TTLL5: variants seen among roughly 807,000 people sequenced by gnomAD.
The protein encoded by TTLL5 is tubulin polyglutamylase TTLL5.
TTLL5 carries 132 observed loss-of-function variants against 168.4 expected under a neutral mutation model. The observed-to-expected ratio is 0.78, with a 90% CI of 0.68 to 0.91. The LOEUF is 0.91. TTLL5 is among the 40% of genes least tolerant of loss of function. The pLI is 0.00. For synonymous variants in TTLL5, 546 were observed against 558.6 expected (o/e 0.98, Z 0.32); for missense variants, 1,545 against 1,581.5 (o/e 0.98, Z 0.39).
chr14:75,824,956 T>C (rs1895041041), intron 28 of TTLL5, among the ~76,000 whole-genome samples: 1 of 152,164 alleles, frequency 6.6e-6, no homozygotes, highest in Non-Finnish European at 1.5e-5. Context: ...TGGCATAGTA[T>C]GGTGGGAAGA....
At chr14:75,901,853 A>C (rs538964391) in intron 30 of TTLL5, among the ~76,000 whole-genome samples, 1 of 152,328 alleles carries the variant, frequency 6.6e-6, no homozygotes, top group Admixed American at 6.5e-5. Context: ...GTCAGGCACT[A>C]TTCTAGGCAC....
chr14:75,676,111 C>T (rs1594851334), intron 3 of TTLL5, among the ~76,000 whole-genome samples: 1 of 152,172 alleles, frequency 6.6e-6, no homozygotes, highest in Non-Finnish European at 1.5e-5. Flanking sequence ...TTGTTCTATT[C>T]TTGCCCTCAA....
At chr14:75,702,373 C>T (rs1886330889) in intron 7 of TTLL5, among the ~76,000 whole-genome samples, 1 of 152,192 alleles carries the variant, frequency 6.6e-6, no homozygotes, top group Non-Finnish European at 1.5e-5. Context: ...TTGTTTGAAT[C>T]TCATAGACGG....
intron 31 of TTLL5, among the ~76,000 whole-genome samples, chr14:75,912,085 T>G (rs1357728105): frequency 6.6e-6 from 1 of 152,222 alleles, no homozygotes; most frequent in Non-Finnish European, 1.5e-5. Flanking sequence ...GCCAGGTCAT[T>G]TGCTGGCTCC....
intron 31 of TTLL5, among the ~76,000 whole-genome samples, chr14:75,906,062 A>G (rs1198149490): frequency 6.6e-6 from 1 of 152,226 alleles, no homozygotes; most frequent in Non-Finnish European, 1.5e-5. Flanking sequence ...GGGCAACAGC[A>G]CATCAGTGTG....
At chr14:75,675,474 A>G (rs977217371) in intron 3 of TTLL5, among the ~76,000 whole-genome samples, 9 of 152,170 alleles carry the variant, frequency 5.9e-5, no homozygotes, top group African/African-American at 1.9e-4. Context: ...TAGCACTTCA[A>G]GTTGCCTCTA....
chr14:75,885,014 C>T (rs1219423536), intron 30 of TTLL5, among the ~76,000 whole-genome samples: 1 of 147,272 alleles, frequency 6.8e-6, no homozygotes, highest in Non-Finnish European at 1.5e-5. Flanking sequence ...ACTAAAAATA[C>T]AAAAAAAAAT....
At chr14:75,762,178 G>A (rs1322410575) in intron 18 of TTLL5, among the ~76,000 whole-genome samples, 10 of 151,944 alleles carry the variant, frequency 6.6e-5, no homozygotes, top group Admixed American at 2.0e-4. Flanking sequence ...GGTGGATCAC[G>A]AGGTCAGGAG....
intron 30 of TTLL5, among the ~76,000 whole-genome samples, chr14:75,893,507 A>G (rs1413014606): frequency 6.6e-6 from 1 of 152,232 alleles, no homozygotes; most frequent in African/African-American, 2.4e-5. Flanking sequence ...AATTTTATAC[A>G]TAGCTAAACT....
At chr14:75,939,197 CA>C (rs1328219784) in intron 31 of TTLL5, among the ~76,000 whole-genome samples, 1 of 152,196 alleles carries the variant, frequency 6.6e-6, no homozygotes, top group African/African-American at 2.4e-5. Flanking sequence ...CCCAGTGCAG[CA>C]GAATGAAATA....
At chr14:75,785,399 C>T (rs925377656) in intron 26 of TTLL5, among the ~76,000 whole-genome samples, 21 of 152,068 alleles carry the variant, frequency 1.4e-4, no homozygotes, top group African/African-American at 4.8e-4. Context: ...AGGATGGTCT[C>T]GATCTCTTGA....
At chr14:75,885,082 G>A (rs1487574240) in intron 30 of TTLL5, among the ~76,000 whole-genome samples, 1 of 152,058 alleles carries the variant, frequency 6.6e-6, no homozygotes, top group Non-Finnish European at 1.5e-5. Context: ...GGCTGAGGCG[G>A]GAGAATGGCG....
At chr14:75,845,898 G>T (rs78347631) in intron 28 of TTLL5, among the ~76,000 whole-genome samples, 3 of 151,990 alleles carry the variant, frequency 2.0e-5, no homozygotes, top group Middle Eastern at 3.2e-3. Context: ...TGGTGATAGC[G>T]TACAAAGGAC....
At chr14:75,862,286 C>T (rs1428417865) in intron 28 of TTLL5, among the ~76,000 whole-genome samples, 1 of 152,186 alleles carries the variant, frequency 6.6e-6, no homozygotes, top group Non-Finnish European at 1.5e-5. Flanking sequence ...TACAATGCTG[C>T]TATGAACATT....
intron 28 of TTLL5, among the ~76,000 whole-genome samples, chr14:75,857,053 T>G (rs1404103669): frequency 1.3e-5 from 2 of 152,252 alleles, no homozygotes; most frequent in Non-Finnish European, 2.9e-5. Context: ...TCTAGCAGTA[T>G]CTCTCTAAAG....
intron 7 of TTLL5, among the ~76,000 whole-genome samples, chr14:75,700,825 A>T (rs1392383072): frequency 6.6e-6 from 1 of 152,066 alleles, no homozygotes; most frequent in Non-Finnish European, 1.5e-5. Context: ...AGACCCACCC[A>T]TATGGATTTG....
Position 75,775,624 on chromosome 14 carries a change from C to T in TTLL5, c.2277C>T (p.Tyr759=), listed in dbSNP as rs1446249657. 6.2e-7 allele frequency: 1 copy of T among 1,614,002 alleles called. No homozygotes were observed. Among genetic ancestry groups the T allele is most frequent in the Admixed American group, 1.7e-5 (1 of 60,004 alleles). Residue 759 remains tyrosine, a synonymous_variant, in exon 22 of 32, where the codon TAC becomes TAT. Coordinates refer to ENST00000298832, the MANE Select transcript of TTLL5 (RefSeq NM_015072.5). ...AHQLGDFIIV[Y]NKETEQMAEK... is the part of the protein sequence containing the mutation. Reference sequence around the variant, plus strand: ...AGCTGGGTGACTTTATCATTGTATACAACAAGGTAAGTCTTTTTCTGTTAG... The same window carrying T: ...AGCTGGGTGACTTTATCATTGTATATAACAAGGTAAGTCTTTTTCTGTTAG...
At position 75,914,017 on chromosome 14, in the gene TTLL5, GAAAAA is replaced by G. The variant is rs1201862659; in HGVS notation, c.3823+11806_3823+11810del. Among the ~76,000 whole-genome samples, 64 of 31,056 alleles carry G rather than the reference GAAAAA, an allele frequency of 2.1e-3. 9 individuals carry two copies. The highest frequency in any genetic ancestry group is 0.015 in the South Asian group (11 of 726). 20.4% of individuals were successfully genotyped at this position (31,056 alleles called of 152,430 possible). Reference sequence around the variant, plus strand: ...GCGACAGAGGAAGACTGTTTAAAAGGAAAAAAAAAAAAAAAAATATATATATATAT... The same window carrying G: ...GCGACAGAGGAAGACTGTTTAAAAGGAAAAAAAAAAAATATATATATATAT... On this transcript the variant is annotated intron_variant, in intron 31 of 31. Transcript: ENST00000298832.
intron 2 of TTLL5, among the ~76,000 whole-genome samples, chr14:75,663,747 T>G (rs1883044560): frequency 6.6e-6 from 1 of 152,306 alleles, no homozygotes; most frequent in Non-Finnish European, 1.5e-5. Context: ...CTGAGTTCTT[T>G]TAGTTAAGAG....
Sources: allele counts gnomAD v4.1 joint callset (sites outside exome capture counted in the v4.1 genomes callset), GRCh38; gene constraint gnomAD v4.1.1; transcripts MANE v1.5; gene names NCBI Gene and HGNC (gene_info 2026-07-23, HGNC 2026-07-21).